SEMA3A: variants seen among roughly 807,000 people sequenced by gnomAD.
SEMA3A encodes the protein semaphorin-3A.
A neutral mutation model predicts 97.9 loss-of-function variants in SEMA3A; 29 were observed. That is an observed-to-expected ratio of 0.30 (90% CI 0.22 to 0.40). The LOEUF (loss-of-function observed/expected upper bound fraction) is 0.40. Among genes scored for constraint, SEMA3A ranks in the 10% least tolerant of loss-of-function variants. The probability of loss-of-function intolerance (pLI) is 1.00; values close to 1 mark genes in which losing one functional copy is unlikely to be tolerated. For missense variants in SEMA3A, 763 were observed against 951.3 expected, an observed-to-expected ratio of 0.80 and a Z score of 2.60; for synonymous variants, 321 against 323.7, an observed-to-expected ratio of 0.99 and a Z score of 0.09.
chr7:84,488,852 T>G (rs1806649838), intron 1 of SEMA3A, among the ~76,000 whole-genome samples: 1 of 152,178 alleles, frequency 6.6e-6, no homozygotes. Flanking sequence ...ATTTTGGAAT[T>G]TCTTTCTAAA....
At chr7:84,317,311 T>C (rs911886650) in intron 2 of SEMA3A, among the ~76,000 whole-genome samples, 3 of 152,162 alleles carry the variant, frequency 2.0e-5, no homozygotes, top group African/African-American at 4.8e-5. Context: ...TTTCTACAGA[T>C]AAAAGTACTG....
intron 14 of SEMA3A, among the ~76,000 whole-genome samples, chr7:83,977,433 CAT>C (rs1262868609): frequency 6.6e-6 from 1 of 152,144 alleles, no homozygotes; most frequent in East Asian, 1.9e-4. Context: ...GTACTAACAA[CAT>C]GTTAAAAGTC....
chr7:84,211,047 T>A (rs1278943559), intron 3 of SEMA3A, among the ~76,000 whole-genome samples: 1 of 152,226 alleles, frequency 6.6e-6, no homozygotes, highest in East Asian at 1.9e-4. Flanking sequence ...ATGTTCCTTT[T>A]AAAAATTTGT....
At chr7:84,030,707 C>T (rs575995639) in intron 6 of SEMA3A, among the ~76,000 whole-genome samples, 2 of 152,062 alleles carry the variant, frequency 1.3e-5, no homozygotes, top group African/African-American at 4.8e-5. Flanking sequence ...GAATTAATAA[C>T]GTATTTTTAT....
At chr7:83,969,435 C>A (rs1788837119) in intron 15 of SEMA3A, among the ~76,000 whole-genome samples, 1 of 152,042 alleles carries the variant, frequency 6.6e-6, no homozygotes, top group Non-Finnish European at 1.5e-5. Context: ...CTGGTTTATT[C>A]CCCTGGCCCA....
intron 2 of SEMA3A, among the ~76,000 whole-genome samples, chr7:84,361,574 G>T (rs1802721687): frequency 6.6e-6 from 1 of 151,940 alleles, no homozygotes; most frequent in Admixed American, 6.6e-5. Flanking sequence ...AAAATGGATA[G>T]ATGGACACCA....
intron 4 of SEMA3A, among the ~76,000 whole-genome samples, chr7:84,079,061 A>C (rs1425432125): frequency 6.7e-6 from 1 of 150,264 alleles, no homozygotes; most frequent in African/African-American, 2.5e-5. Context: ...TCACTGGTAA[A>C]AAATTTTTGT....
intron 1 of SEMA3A, among the ~76,000 whole-genome samples, chr7:84,391,872 C>T (rs1318268580): frequency 6.6e-6 from 1 of 151,034 alleles, no homozygotes; most frequent in Admixed American, 6.6e-5. Context: ...ACTTGGGAGG[C>T]TGAGGTGGGA....
chr7:84,243,521 T>G (rs1427645482), intron 3 of SEMA3A, among the ~76,000 whole-genome samples: 1 of 152,188 alleles, frequency 6.6e-6, no homozygotes, highest in Non-Finnish European at 1.5e-5. Flanking sequence ...ATTGTGTCTA[T>G]TTGATTCTTC....
At chr7:84,413,783 T>A (rs1804347320) in intron 1 of SEMA3A, among the ~76,000 whole-genome samples, 1 of 152,082 alleles carries the variant, frequency 6.6e-6, no homozygotes, top group Non-Finnish European at 1.5e-5. Flanking sequence ...TAGTCATTTT[T>A]AAAAAAGAAA....
intron 2 of SEMA3A, among the ~76,000 whole-genome samples, chr7:84,317,454 T>G (rs1562900727): frequency 6.6e-6 from 1 of 152,198 alleles, no homozygotes; most frequent in African/African-American, 2.4e-5. Flanking sequence ...CTAAGGCTTT[T>G]TATATGTGTG....
chr7:84,015,089 G>A (rs898487985), intron 6 of SEMA3A, among the ~76,000 whole-genome samples: 6 of 151,908 alleles, frequency 3.9e-5, no homozygotes, highest in Admixed American at 6.6e-5. Flanking sequence ...ATGAACCTCC[G>A]CTCTCTCACT....
chr7:84,276,729 T>C (rs1342012135), intron 3 of SEMA3A, among the ~76,000 whole-genome samples: 1 of 152,122 alleles, frequency 6.6e-6, no homozygotes, highest in Non-Finnish European at 1.5e-5. Flanking sequence ...ATTTGATCTA[T>C]GCCTGCCTAG....
intron 1 of SEMA3A, among the ~76,000 whole-genome samples, chr7:84,444,914 C>A (rs1805369216): frequency 6.6e-6 from 1 of 152,056 alleles, no homozygotes; most frequent in African/African-American, 2.4e-5. Flanking sequence ...CATAAAACAT[C>A]AGTGATTTCA....
chr7:84,046,587 CTTAT>C, intron 5 of SEMA3A, 144 bp from the exon 6 acceptor site: 1 of 847,774 alleles, frequency 1.2e-6, no homozygotes, highest in Non-Finnish European at 1.8e-6. Context: ...TATGCAGTTA[CTTAT>C]TTTTTATCCT....
At chr7:84,138,541 G>A (rs142644435) in intron 1 of SEMA3A, among the ~76,000 whole-genome samples, 2,029 of 152,116 alleles carry the variant, frequency 0.013, 27 homozygotes, top group African/African-American at 0.032. Context: ...GACAACTTAC[G>A]GAAGTTTTTG....
intron 4 of SEMA3A, among the ~76,000 whole-genome samples, chr7:84,062,528 G>A (rs1793270661): frequency 6.6e-6 from 1 of 152,216 alleles, no homozygotes. Context: ...TCACTACGGA[G>A]TGCGAGACAG....
chr7:84,204,924 C>T (rs1242810426), intron 3 of SEMA3A, among the ~76,000 whole-genome samples: 1 of 152,160 alleles, frequency 6.6e-6, no homozygotes, highest in Non-Finnish European at 1.5e-5. Context: ...GCCAGATGTG[C>T]ATTTGAGATC....
intron 2 of SEMA3A, among the ~76,000 whole-genome samples, chr7:84,308,004 A>T (rs1801206218): frequency 1.3e-5 from 2 of 152,148 alleles, no homozygotes; most frequent in Admixed American, 6.5e-5. Context: ...TTGAAAAAAA[A>T]GTAAAATTTG....
Sources: gnomAD v4.1 joint callset for allele counts (sites outside exome capture counted in the v4.1 genomes callset) on GRCh38, gnomAD v4.1.1 for gene constraint, MANE v1.5 for transcripts, NCBI Gene and HGNC (gene_info 2026-07-23, HGNC 2026-07-21) for gene names.